EID2B: variants seen among roughly 807,000 people sequenced by gnomAD.
EID2B encodes the protein EP300-interacting inhibitor of differentiation 2B.
Under a neutral mutation model 5.9 loss-of-function variants are expected in EID2B, and 6 were observed. The observed-to-expected ratio is 1.01, with a 90% CI of 0.55 to 2.00. The LOEUF (loss-of-function observed/expected upper bound fraction) is 2.00, where lower values mean the gene tolerates loss of function less well. Among genes scored for constraint, EID2B ranks in the 30% most tolerant of loss-of-function variants. EID2B has a pLI of 0.00. For missense variants in EID2B, 234 were observed against 228.1 expected (o/e 1.03, Z -0.17); for synonymous variants, 94 against 104.2 (o/e 0.90, Z 0.60).
rs551774889 is a variant in EID2B, at chr19:39,532,817, T to G, written c.-15A>C. ...GGCTCCGCCATAGTCCCAGCGTTTC[T>G]ACGGAGACTGGAATAACGGCACTGC... On this transcript the variant is annotated 5_prime_UTR_variant, in exon 1 of 1. Transcript: ENST00000326282. The G allele has an allele frequency of 6.2e-7, 1 of 1,606,706 alleles. No individual in the cohort carries two copies. The highest frequency in any genetic ancestry group is 8.5e-7 in the Non-Finnish European group (1 of 1,179,780).
chr19:39,532,776 C>G lies in EID2B; in HGVS notation c.27G>C (p.Glu9Asp). Reference sequence around the variant, plus strand: ...TGCTATCTCCGGGGAGCTCGGACATCTCCAACAGCCCAGTCGGCTCCGCCA... The same window carrying G: ...TGCTATCTCCGGGGAGCTCGGACATGTCCAACAGCCCAGTCGGCTCCGCCA... MAEPTGLL[E>D]MSELPGDSSV... Residue 9 changes from glutamate to aspartate, a missense_variant, in exon 1 of 1, where the codon GAG (glutamate) becomes GAC (aspartate). Coordinates refer to ENST00000326282, the MANE Select transcript of EID2B (RefSeq NM_152361.3). The G allele has an allele frequency of 6.2e-7, 1 of 1,611,494 alleles. No individual in the cohort carries two copies. Among genetic ancestry groups the G allele is most frequent in the South Asian group, 1.1e-5 (1 of 90,982 alleles).
Position 39,532,710 on chromosome 19 carries a change from TACGTCGCTG to T in EID2B, c.84_92del (p.Ser29_Val31del), listed in dbSNP as rs1971983300. 6.2e-7 allele frequency: 1 copy of T among 1,609,654 alleles called. No individual in the cohort carries two copies. The highest frequency in any genetic ancestry group is 8.5e-7 in the Non-Finnish European group (1 of 1,178,772). ...CCCCGCCGCCGACTGCCCCCCGCAG[TACGTCGCTG>T]ACGCCACTCGCGGTGCCCACCTGTG... On this transcript the variant is annotated inframe_deletion, in exon 1 of 1. Transcript: ENST00000326282.
At position 39,531,716 on chromosome 19, in the gene EID2B, C is replaced by G. The variant is rs981256664; in HGVS notation, c.*601G>C. ...GACATGACCACAAATTGTGAAATTTCAAAGTCCTCTCAATAGCCTTCCAAT... is the reference window on the plus strand; with the variant it reads ...GACATGACCACAAATTGTGAAATTTGAAAGTCCTCTCAATAGCCTTCCAAT... On this transcript the variant is annotated 3_prime_UTR_variant, in exon 1 of 1. Coordinates refer to ENST00000326282, the MANE Select transcript of EID2B (RefSeq NM_152361.3). The G allele has an allele frequency of 3.3e-5, 5 of 152,210 alleles. No homozygotes were observed. The highest frequency in any genetic ancestry group is 1.2e-4 in the African/African-American group (5 of 41,456). 9.4% of individuals were successfully genotyped at this position (152,210 alleles called of 1,614,324 possible).
rs145347341 is a variant in EID2B, at chr19:39,532,562, G to A, written c.241C>T (p.Pro81Ser). ...SVPGLASAPD[P>S]HQQLAFLEIN... ...TCTAAGAAAGCGAGCTGCTGATGGG[G>A]GTCTGGCGCGGAGGCCAGGCCCGGG... is the stretch of plus-strand genomic sequence containing the variant. The change falls in exon 1 of 1, where the codon CCC becomes TCC. Residue 81 changes from proline to serine, a missense_variant. Coordinates refer to ENST00000326282, the MANE Select transcript of EID2B (RefSeq NM_152361.3). 3.1e-3 allele frequency: 4,962 copies of A among 1,613,838 alleles called. 3 individuals carry two copies. The highest frequency in any genetic ancestry group is 3.9e-3 in the Non-Finnish European group (4,637 of 1,180,008).
At position 39,532,699 on chromosome 19, in the gene EID2B, GC is replaced by G. The variant is rs780130396; in HGVS notation, c.103del (p.Ala35GlnfsTer54). On this transcript the variant is annotated frameshift_variant, in exon 1 of 1. Transcript: ENST00000326282. LOFTEE classifies it high-confidence loss of function. ...CTGCACCCGAACCCCGCCGCCGACT[GC>G]CCCCCGCAGTACGTCGCTGACGCCA... ...ASGVSDVLRGAVGGGVRVQEA... is the reference protein window; with the variant it reads ...ASGVSDVLRGXVGGGVRVQEA... The G allele has an allele frequency of 1.2e-6, 2 of 1,607,854 alleles. No individual in the cohort carries two copies. Among genetic ancestry groups the G allele is most frequent in the Admixed American group, 1.7e-5 (1 of 59,514 alleles).
rs761099135 is a variant in EID2B at position 39,532,609 on chromosome 19, G to A, written c.194C>T (p.Pro65Leu). ...CGGGACGCTGCTGGGGATGGGCCCGGGCACAGGGCCCGGCATCCGCGCCAT... is the reference window on the plus strand; with the variant it reads ...CGGGACGCTGCTGGGGATGGGCCCGAGCACAGGGCCCGGCATCCGCGCCAT... ...RSMARMPGPV[P>L]GPIPSSVPGL... The change falls in exon 1 of 1, where the codon CCC (proline) becomes CTC (leucine). Residue 65 changes from proline to leucine, a missense_variant. Coordinates refer to ENST00000326282, the MANE Select transcript of EID2B (RefSeq NM_152361.3). 3.7e-6 allele frequency: 6 copies of A among 1,610,804 alleles called. No homozygotes were observed. The highest frequency in any genetic ancestry group is 5.1e-6 in the Non-Finnish European group (6 of 1,178,582).
chr19:39,531,596 T>C lies in EID2B; in HGVS notation c.*721A>G, dbSNP rs1295056044. The C allele has an allele frequency of 1.3e-5, 2 of 152,248 alleles. No homozygotes were observed. Among genetic ancestry groups the C allele is most frequent in the Non-Finnish European group, 2.9e-5 (2 of 68,036 alleles). 9.4% of individuals were successfully genotyped at this position (152,248 alleles called of 1,614,324 possible). On this transcript the variant is annotated 3_prime_UTR_variant, in exon 1 of 1. Coordinates refer to ENST00000326282, the MANE Select transcript of EID2B (RefSeq NM_152361.3). Reference sequence around the variant, plus strand: ...CAATTTCACATAGACTTGAAAACACTGATCATATAATACGTGGTTTTTTCT... The same window carrying C: ...CAATTTCACATAGACTTGAAAACACCGATCATATAATACGTGGTTTTTTCT...
rs542812976 is a variant in EID2B at position 39,531,834 on chromosome 19, C to A, written c.*483G>T. The A allele has an allele frequency of 7.2e-6, 1 of 139,654 alleles. No individual in the cohort carries two copies. Among genetic ancestry groups the A allele is most frequent in the Non-Finnish European group, 1.6e-5 (1 of 63,982 alleles). 8.7% of individuals were successfully genotyped at this position (139,654 alleles called of 1,614,324 possible). On this transcript the variant is annotated 3_prime_UTR_variant, in exon 1 of 1. Coordinates refer to ENST00000326282, the MANE Select transcript of EID2B (RefSeq NM_152361.3). ...TCATTTCTATGGGTTCTGTTATTGG[C>A]ATTTTTTTTTTCTCATATCTTTGCA...
At position 39,532,215 on chromosome 19, in the gene EID2B, CTAA is replaced by C; in HGVS notation, c.*99_*101del. The C allele has an allele frequency of 7.0e-7, 1 of 1,436,244 alleles. No individual in the cohort carries two copies. Among genetic ancestry groups the C allele is most frequent in the African/African-American group, 1.4e-5 (1 of 70,530 alleles). The allele number at this position is 1,436,244 out of a possible 1,614,324, so 89.0% of individuals were successfully genotyped here. On this transcript the variant is annotated 3_prime_UTR_variant, in exon 1 of 1. Coordinates refer to ENST00000326282, the MANE Select transcript of EID2B (RefSeq NM_152361.3). Reference sequence around the variant, plus strand: ...TATTCCCTTCCAGTTTGCATTCCCCCTAATGACTGAGTTAACTAAACTGGCACA... The same window carrying C: ...TATTCCCTTCCAGTTTGCATTCCCCCTGACTGAGTTAACTAAACTGGCACA...
chr19:39,532,082 T>C lies in EID2B; in HGVS notation c.*235A>G. 1 of 548,008 alleles carries C rather than the reference T, an allele frequency of 1.8e-6. No homozygotes were observed. The highest frequency in any genetic ancestry group is 3.2e-6 in the Non-Finnish European group (1 of 317,264). 33.9% of individuals were successfully genotyped at this position (548,008 alleles called of 1,614,324 possible). On this transcript the variant is annotated 3_prime_UTR_variant, in exon 1 of 1. Coordinates refer to ENST00000326282, the MANE Select transcript of EID2B (RefSeq NM_152361.3). ...CGGGACCAGCCTAGGGATGCGAGAC[T>C]CCCTTCTCTATTTAAATAATACTAA...
rs778983825 is a variant in EID2B, at chr19:39,532,669, G to T, written c.134C>A (p.Ala45Asp). 1.2e-6 allele frequency: 2 copies of T among 1,606,592 alleles called. No homozygotes were observed. The highest frequency in any genetic ancestry group is 1.7e-6 in the Non-Finnish European group (2 of 1,177,038). ...AVGGGVRVQE[A>D]REGPVAEAAR... ...AGCTTCGGCCACTGGGCCTTCCCGA[G>T]CCTCCTGCACCCGAACCCCGCCGCC... Residue 45 changes from alanine to aspartate, a missense_variant, in exon 1 of 1, where the codon GCT becomes GAT. Physicochemically the swap from Ala to Asp is moderately radical, Grantham distance 126. Coordinates refer to ENST00000326282, the MANE Select transcript of EID2B (RefSeq NM_152361.3).
chr19:39,532,112 G>T lies in EID2B; in HGVS notation c.*205C>A, dbSNP rs954991801. ...TCTCTATTTAAATAATACTAAAAAAGAAGAAAGAAAACAAGATTCAACAGT... is the reference window on the plus strand; with the variant it reads ...TCTCTATTTAAATAATACTAAAAAATAAGAAAGAAAACAAGATTCAACAGT... On this transcript the variant is annotated 3_prime_UTR_variant, in exon 1 of 1. Coordinates refer to ENST00000326282, the MANE Select transcript of EID2B (RefSeq NM_152361.3). 9.1e-5 allele frequency: 58 copies of T among 638,972 alleles called. 1 individual carries two copies. The highest frequency in any genetic ancestry group is 1.2e-4 in the Non-Finnish European group (46 of 381,900). The allele number at this position is 638,972 out of a possible 1,614,324, so 39.6% of individuals were successfully genotyped here. A position where few individuals can be genotyped will look rare whatever the true frequency, so the allele number is the denominator to read the frequency against.
chr19:39,532,397 G>C lies in EID2B; in HGVS notation c.406C>G (p.Pro136Ala), dbSNP rs1971973278. ...KAREAAFDADPPQMDFAAVAF... is the reference protein window; with the variant it reads ...KAREAAFDADAPQMDFAAVAF... Reference sequence around the variant, plus strand: ...ACAGCAGCGAAGTCCATCTGCGGGGGATCCGCGTCAAAGGCTGCTTCCCTC... The same window carrying C: ...ACAGCAGCGAAGTCCATCTGCGGGGCATCCGCGTCAAAGGCTGCTTCCCTC... Residue 136 changes from proline to alanine, a missense_variant, in exon 1 of 1, where the codon CCC becomes GCC. Transcript: ENST00000326282. 14 of 1,614,066 alleles carry C rather than the reference G, an allele frequency of 8.7e-6. No individual in the cohort carries two copies. Among genetic ancestry groups the C allele is most frequent in the African/African-American group, 2.7e-5 (2 of 74,944 alleles).
rs1370262715 is a variant in EID2B, at chr19:39,532,160, T to C, written c.*157A>G. On this transcript the variant is annotated 3_prime_UTR_variant, in exon 1 of 1. Coordinates refer to ENST00000326282, the MANE Select transcript of EID2B (RefSeq NM_152361.3). ...AGTCTTGTCTGTTTCCATTTCGGAG[T>C]GTGCTTCCTCCTTCAATTGCACATT... 7.6e-6 allele frequency: 6 copies of C among 789,850 alleles called. No individual in the cohort carries two copies. The Admixed American group carries it at 1.5e-4, about 20-fold the overall frequency. The allele number at this position is 789,850 out of a possible 1,614,324, so 48.9% of individuals were successfully genotyped here. A position where few individuals can be genotyped will look rare whatever the true frequency, so the allele number is the denominator to read the frequency against.
chr19:39,532,137 T>A lies in EID2B; in HGVS notation c.*180A>T. ...GAAGAAAGAAAACAAGATTCAACAG[T>A]CTTGTCTGTTTCCATTTCGGAGTGT... On this transcript the variant is annotated 3_prime_UTR_variant, in exon 1 of 1. Transcript: ENST00000326282. 2.9e-6 allele frequency: 2 copies of A among 684,706 alleles called. No individual in the cohort carries two copies. Among genetic ancestry groups the A allele is most frequent in the Non-Finnish European group, 4.8e-6 (2 of 413,672 alleles). The allele number at this position is 684,706 out of a possible 1,614,324, so 42.4% of individuals were successfully genotyped here.
In EID2B at chr19:39,532,067, C is replaced by T. The variant is rs561039845; in HGVS notation, c.*250G>A. 266 of 506,082 alleles carry T rather than the reference C, an allele frequency of 5.3e-4. No individual in the cohort carries two copies. The highest frequency in any genetic ancestry group is 1.1e-3 in the Middle Eastern group (2 of 1,814). 31.3% of individuals were successfully genotyped at this position (506,082 alleles called of 1,614,324 possible). A position where few individuals can be genotyped will look rare whatever the true frequency, so the allele number is the denominator to read the frequency against. On this transcript the variant is annotated 3_prime_UTR_variant, in exon 1 of 1. Transcript: ENST00000326282. ...TCGGGTCCAAGCGTTCGGGACCAGC[C>T]TAGGGATGCGAGACTCCCTTCTCTA...
chr19:39,532,373 C>G lies in EID2B; in HGVS notation c.430G>C (p.Val144Leu). The G allele has an allele frequency of 6.2e-7, 1 of 1,614,170 alleles. No individual in the cohort carries two copies. The highest frequency in any genetic ancestry group is 8.5e-7 in the Non-Finnish European group (1 of 1,180,032). Residue 144 changes from valine to leucine, a missense_variant, in exon 1 of 1, where the codon GTC (valine) becomes CTC (leucine). Coordinates refer to ENST00000326282, the MANE Select transcript of EID2B (RefSeq NM_152361.3). ...GCAGTCAGCGCTACCGTAAACGCGA[C>G]AGCAGCGAAGTCCATCTGCGGGGGA... ...ADPPQMDFAA[V>L]AFTVALTASE...
Position 39,532,743 on chromosome 19 carries a change from T to C in EID2B, c.60A>G (p.Pro20=). 6.2e-7 allele frequency: 1 copy of C among 1,611,922 alleles called. No homozygotes were observed. Among genetic ancestry groups the C allele is most frequent in the Non-Finnish European group, 8.5e-7 (1 of 1,179,768 alleles). Reference sequence around the variant, plus strand: ...TGACGCCACTCGCGGTGCCCACCTGTGGGACACTGCTATCTCCGGGGAGCT... The same window carrying C: ...TGACGCCACTCGCGGTGCCCACCTGCGGGACACTGCTATCTCCGGGGAGCT... ...MSELPGDSSV[P]QVGTASGVSD... Residue 20 remains proline (P), a synonymous_variant, in exon 1 of 1, where the codon CCA becomes CCG. Transcript: ENST00000326282.
chr19:39,532,383 G>C lies in EID2B; in HGVS notation c.420C>G (p.Asp140Glu). 3 of 1,614,196 alleles carry C rather than the reference G, an allele frequency of 1.9e-6. No homozygotes were observed. Among genetic ancestry groups the C allele is most frequent in the Non-Finnish European group, 2.5e-6 (3 of 1,180,034 alleles). Residue 140 changes from aspartate (D) to glutamate (E), a missense_variant, in exon 1 of 1, where the codon GAC (aspartate) becomes GAG (glutamate). Asp to Glu is a conservative substitution (Grantham distance 45, BLOSUM62 2). Transcript: ENST00000326282. Reference protein sequence around the residue: ...AAFDADPPQMDFAAVAFTVAL... With the variant: ...AAFDADPPQMEFAAVAFTVAL... ...CTACCGTAAACGCGACAGCAGCGAAGTCCATCTGCGGGGGATCCGCGTCAA... is the reference window on the plus strand; with the variant it reads ...CTACCGTAAACGCGACAGCAGCGAACTCCATCTGCGGGGGATCCGCGTCAA...
Sources: allele counts gnomAD v4.1 joint callset, GRCh38; gene constraint gnomAD v4.1.1; transcripts MANE v1.5; gene names NCBI Gene and HGNC (gene_info 2026-07-23, HGNC 2026-07-21).